The following FLG variants were observed in gnomAD, a reference collection of about 807,000 sequenced individuals.
FLG encodes filaggrin.
A neutral mutation model predicts 3.8 loss-of-function variants in FLG; 6 were observed. The observed-to-expected ratio is 1.60, with a 90% CI of 0.87 to 3.15. The LOEUF is 3.15. Ranked by LOEUF, FLG falls within the 30% of genes most tolerant of loss-of-function variation. The pLI, the probability that FLG is intolerant of heterozygous loss-of-function variation, is 0.00. For synonymous variants in FLG, 2,551 were observed against 1,931.6 expected, an observed-to-expected ratio of 1.32 and a Z score of -8.41; for missense variants, 7,595 against 5,050.9, an observed-to-expected ratio of 1.50 and a Z score of -15.27.
In FLG at chr1:152,309,975, T is replaced by C. The variant is rs760321940; in HGVS notation, c.4911A>G (p.Gln1637=). The C allele has an allele frequency of 3.1e-6, 5 of 1,614,058 alleles. No homozygotes were observed. The highest frequency in any genetic ancestry group is 3.3e-5 in the Admixed American group (2 of 60,014). ...AGTGCCCATGACTGGCTCTATCTTC[T>C]TGATGGGACCTGGGGTTCCTGGAGC... The part of the protein sequence containing the change: ...RHGSRNPRSH[Q]EDRASHGHSA... The change falls in exon 3 of 3, where the codon CAA becomes CAG. Residue 1637 remains glutamine, a synonymous_variant. Coordinates refer to ENST00000368799, the MANE Select transcript of FLG (RefSeq NM_002016.2).
chr1:152,314,379 T>C lies in FLG; in HGVS notation c.507A>G (p.Arg169=). The C allele has an allele frequency of 1.2e-6, 2 of 1,613,154 alleles. No individual in the cohort carries two copies. The highest frequency in any genetic ancestry group is 1.7e-6 in the Non-Finnish European group (2 of 1,179,750). The change falls in exon 3 of 3, where the codon AGA becomes AGG. Residue 169 remains arginine, a synonymous_variant. Transcript: ENST00000368799. ...KERKGYSPTH[R]EEEYGKNHHN... is the part of the protein sequence containing the mutation. ...GATGGTTTTTTCCATATTCTTCTTC[T>C]CTATGAGTAGGTGAATATCCTTTTC... is the stretch of plus-strand genomic sequence containing the variant.
chr1:152,313,796 A>G lies in FLG; in HGVS notation c.1090T>C (p.Ser364Pro). 6.2e-7 allele frequency: 1 copy of G among 1,614,070 alleles called. No homozygotes were observed. Among genetic ancestry groups the G allele is most frequent in the Non-Finnish European group, 8.5e-7 (1 of 1,179,974 alleles). Residue 364 changes from serine (S) to proline (P), a missense_variant, in exon 3 of 3, where the codon TCC becomes CCC. Transcript: ENST00000368799. ...RQSGTRHAET[S>P]SRGQTASSHE... ...GATGATGCAGTCTGTCCACGAGAGGAAGTCTCTGCGTGACGAGTGCCTGAT... is the reference window on the plus strand; with the variant it reads ...GATGATGCAGTCTGTCCACGAGAGGGAGTCTCTGCGTGACGAGTGCCTGAT...
rs545318820 is a variant in FLG at position 152,311,002 on chromosome 1, T to C, written c.3884A>G (p.His1295Arg). Residue 1295 changes from histidine to arginine, a missense_variant, in exon 3 of 3, where the codon CAT becomes CGT. By Grantham distance (29) the His-to-Arg change is conservative. Transcript: ENST00000368799. The stretch of plus-strand genomic sequence containing the variant: ...TCTTGACTGCTCCCGAGAAGATCCA[T>C]GATGGTTTCTGGAAGCAGACCCAGA... ...RLSGSASRNH[H>R]GSSREQSRDG... 5.6e-6 allele frequency: 9 copies of C among 1,613,820 alleles called. No homozygotes were observed. The highest frequency in any genetic ancestry group is 4.5e-5 in the East Asian group (2 of 44,840).
In FLG at chr1:152,302,737, C is replaced by T. The variant is rs1039173304; in HGVS notation, c.12149G>A (p.Gly4050Glu). 6.2e-7 allele frequency: 1 copy of T among 1,614,012 alleles called. No individual in the cohort carries two copies. The highest frequency in any genetic ancestry group is 2.2e-5 in the East Asian group (1 of 44,878). ...GHSSDISKQL[G>E]FSQSQRYYYY... ...ATAGTATCTCTGTGACTGACTAAATCCCAGTTGTTTCGATATATCACTAGA... is the reference window on the plus strand; with the variant it reads ...ATAGTATCTCTGTGACTGACTAAATTCCAGTTGTTTCGATATATCACTAGA... Residue 4050 changes from glycine (G) to glutamate (E), a missense_variant, in exon 3 of 3, where the codon GGA becomes GAA. Physicochemically the swap from Gly to Glu is moderately conservative, Grantham distance 98. Transcript: ENST00000368799.
Position 152,313,172 on chromosome 1 carries a change from G to A in FLG, c.1714C>T (p.Arg572Ter), listed in dbSNP as rs200601767. 93 of 1,613,766 alleles carry A rather than the reference G, an allele frequency of 5.8e-5. 2 individuals are homozygous for A. The South Asian group carries it at 6.4e-4, about 11-fold the overall frequency. ...CCGTCTCCTGATTGTTCCTCATTTCGTGTTTGTCTGCTTGCACTTCTGGAT... is the reference window on the plus strand; with the variant it reads ...CCGTCTCCTGATTGTTCCTCATTTCATGTTTGTCTGCTTGCACTTCTGGAT... ...SGSRSASRQTRNEEQSGDGTR... is the reference protein window; with the variant it reads ...SGSRSASRQT The change falls in exon 3 of 3, where the codon CGA becomes TGA. Residue 572 changes from arginine (R) to a stop codon, truncating the protein, a stop_gained. Transcript: ENST00000368799. LOFTEE classifies it low-confidence loss of function (END_TRUNC).
rs1189578044 is a variant in FLG, at chr1:152,311,547, A to C, written c.3339T>G (p.Arg1113=). ...TCACCTGGTAGATGAAAGACCCTGA[A>C]CGTCCAGACCTTCCCCCTGACCAGT... ...ARDWSGGRSG[R]SGSFIYQVST... The change falls in exon 3 of 3, where the codon CGT becomes CGG. Residue 1113 remains arginine (R), a synonymous_variant. Coordinates refer to ENST00000368799, the MANE Select transcript of FLG (RefSeq NM_002016.2). 6.2e-7 allele frequency: 1 copy of C among 1,613,118 alleles called. No homozygotes were observed. The highest frequency in any genetic ancestry group is 1.7e-5 in the Admixed American group (1 of 59,928).
In FLG at chr1:152,302,465, TAA is replaced by T. The variant is rs1651669150; in HGVS notation, c.*233_*234del. On this transcript the variant is annotated 3_prime_UTR_variant, in exon 3 of 3. Coordinates refer to ENST00000368799, the MANE Select transcript of FLG (RefSeq NM_002016.2). ...TCCTAAAATACTCCAGCTAGTTTTC[TAA>T]AGTTAGCTCTCCATGATATTGATTT... The T allele has an allele frequency of 1.8e-6, 1 of 553,274 alleles. No homozygotes were observed. The allele number at this position is 553,274 out of a possible 1,614,324, so 34.3% of individuals were successfully genotyped here.
Position 152,311,943 on chromosome 1 carries a change from G to C in FLG, c.2943C>G (p.Gly981=), listed in dbSNP as rs146382866. The change falls in exon 3 of 3, where the codon GGC becomes GGG. Residue 981 remains glycine (G), a synonymous_variant. Coordinates refer to ENST00000368799, the MANE Select transcript of FLG (RefSeq NM_002016.2). Reference sequence around the variant, plus strand: ...CGTGATGGGACCTGGGGTGTCTGGAGCCATGTCTTGACTGCTCCTGAGCAG... The same window carrying C: ...CGTGATGGGACCTGGGGTGTCTGGACCCATGTCTTGACTGCTCCTGAGCAG... ...RGSAQEQSRH[G]SRHPRSHHED... 29 of 1,613,992 alleles carry C rather than the reference G, an allele frequency of 1.8e-5. No homozygotes were observed. The Admixed American group carries it at 3.2e-4, about 18-fold the overall frequency.
rs1205875697 is a variant in FLG at position 152,314,405 on chromosome 1, T to C, written c.481A>G (p.Arg161Gly). 6.2e-7 allele frequency: 1 copy of C among 1,613,496 alleles called. No homozygotes were observed. Among genetic ancestry groups the C allele is most frequent in the South Asian group, 1.1e-5 (1 of 91,024 alleles). Residue 161 changes from arginine to glycine, a missense_variant, in exon 3 of 3, where the codon AGA becomes GGA. Arg to Gly is a moderately radical substitution (Grantham distance 125). Transcript: ENST00000368799. Reference sequence around the variant, plus strand: ...CTATGAGTAGGTGAATATCCTTTTCTTTCTTTTTTTTCAGAACTAGATTCA... The same window carrying C: ...CTATGAGTAGGTGAATATCCTTTTCCTTCTTTTTTTTCAGAACTAGATTCA... ...RHESSSEKKE[R>G]KGYSPTHREE...
chr1:152,306,118 A>C lies in FLG; in HGVS notation c.8768T>G (p.Leu2923Arg), dbSNP rs144520421. The C allele has an allele frequency of 2.5e-3, 3,955 of 1,598,820 alleles. 16 individuals carry two copies. The African/African-American group carries it at 0.057, about 23-fold the overall frequency. ...RNHHGSAQEQ[L>R]RDGSRHPRSH... Reference sequence around the variant, plus strand: ...CCTGGGGTGTCTGGAGCCATCTCTTAGCTGCTCCTGAGCAGATCCATGATG... The same window carrying C: ...CCTGGGGTGTCTGGAGCCATCTCTTCGCTGCTCCTGAGCAGATCCATGATG... Residue 2923 changes from leucine to arginine, a missense_variant, in exon 3 of 3, where the codon CTA becomes CGA. Leu to Arg is a moderately radical substitution (Grantham distance 102, BLOSUM62 -2). Coordinates refer to ENST00000368799, the MANE Select transcript of FLG (RefSeq NM_002016.2).
At chr1:152,317,533 A>C (rs1652827099) in intron 1 of FLG, among the ~76,000 whole-genome samples, 1 of 151,776 alleles carries the variant, frequency 6.6e-6, no homozygotes, top group Non-Finnish European at 1.5e-5. Context: ...GAGACCTGGC[A>C]CTCTCAAGTT....
chr1:152,303,859 G>A lies in FLG; in HGVS notation c.11027C>T (p.Thr3676Ile). 1 of 1,613,784 alleles carries A rather than the reference G, an allele frequency of 6.2e-7. No homozygotes were observed. The highest frequency in any genetic ancestry group is 8.5e-7 in the Non-Finnish European group (1 of 1,179,890). The stretch of plus-strand genomic sequence containing the variant: ...CTGTCCGTGGGCTGACACTGACTGT[G>A]TGTCTGAGTCTTCTGAATGTCCCTC... ...DSEGHSEDSD[T>I]QSVSAHGQAG... is the part of the protein sequence containing the mutation. The change falls in exon 3 of 3, where the codon ACA (threonine) becomes ATA (isoleucine). Residue 3676 changes from threonine to isoleucine, a missense_variant. Transcript: ENST00000368799.
intron 1 of FLG, among the ~76,000 whole-genome samples, chr1:152,319,709 G>A (rs138493372): frequency 7.3e-5 from 11 of 151,474 alleles, no homozygotes; most frequent in African/African-American, 2.2e-4. Context: ...AGCAAAATAA[G>A]TTATATGTTA....
rs1428613192 is a variant in FLG, at chr1:152,306,723, TTGG to T, written c.8160_8162del (p.His2720del). 2 of 1,547,982 alleles carry T rather than the reference TTGG, an allele frequency of 1.3e-6. No individual in the cohort carries two copies. The highest frequency in any genetic ancestry group is 3.4e-5 in the Admixed American group (2 of 57,982). On this transcript the variant is annotated inframe_deletion, in exon 3 of 3. Transcript: ENST00000368799. ...CCCCTGACCGGCCACGTGCGGACTC[TTGG>T]TGGCTCTGCTGATGGGACCCAGCCT... is the stretch of plus-strand genomic sequence containing the variant.
At position 152,304,755 on chromosome 1, in the gene FLG, C is replaced by A; in HGVS notation, c.10131G>T (p.Gly3377=). 1 of 1,613,586 alleles carries A rather than the reference C, an allele frequency of 6.2e-7. No individual in the cohort carries two copies. The highest frequency in any genetic ancestry group is 8.5e-7 in the Non-Finnish European group (1 of 1,179,864). Residue 3377 remains glycine (G), a synonymous_variant, in exon 3 of 3, where the codon GGG becomes GGT. Coordinates refer to ENST00000368799, the MANE Select transcript of FLG (RefSeq NM_002016.2). Reference sequence around the variant, plus strand: ...AAGACCCTGAACGTCCAGACCTTCCCCCTGACCGGTCACGTGCGGACTCTT... The same window carrying A: ...AAGACCCTGAACGTCCAGACCTTCCACCTGACCGGTCACGTGCGGACTCTT... ...SHQESARDRS[G]GRSGRSGSFL...
intron 1 of FLG, among the ~76,000 whole-genome samples, chr1:152,322,857 A>T (rs192549874): frequency 6.6e-6 from 1 of 151,526 alleles, no homozygotes; most frequent in Admixed American, 6.6e-5. Flanking sequence ...AAGTTTTTTT[A>T]AAAAATAAAG....
At position 152,313,444 on chromosome 1, in the gene FLG, G is replaced by T. The variant is rs373882178; in HGVS notation, c.1442C>A (p.Ala481Asp). ...AGTGCTGGTCCCGGTCCGTCCATGG[G>T]CAGAGTCAGGCTGTTCATGAGTGCT... ...QVSTHEQPDS[A>D]HGRTGTSTGG... The change falls in exon 3 of 3, where the codon GCC (alanine) becomes GAC (aspartate). Residue 481 changes from alanine (A) to aspartate (D), a missense_variant. Transcript: ENST00000368799. 2.2e-5 allele frequency: 36 copies of T among 1,613,746 alleles called. No individual in the cohort carries two copies. In the Admixed American group the frequency reaches 5.8e-4, roughly 26 times the overall value.
At position 152,312,661 on chromosome 1, in the gene FLG, G is replaced by T. The variant is rs3120654; in HGVS notation, c.2225C>A (p.Ser742Tyr). Residue 742 changes from serine to tyrosine, a missense_variant, in exon 3 of 3, where the codon TCC (serine) becomes TAC (tyrosine). Physicochemically the swap from Ser to Tyr is moderately radical, Grantham distance 144. Coordinates refer to ENST00000368799, the MANE Select transcript of FLG (RefSeq NM_002016.2). Reference protein sequence around the residue: ...SAVRDSGHRGSSGSQATDSEG... With the variant: ...SAVRDSGHRGYSGSQATDSEG... ...ACTGTCAGTGGCCTGACTACCACTG[G>T]ACCCTCGGTGTCCACTGTCTCTGAC... is the stretch of plus-strand genomic sequence containing the variant. 31,385 of 1,613,676 alleles carry T rather than the reference G, an allele frequency of 0.019. 4,884 individuals are homozygous for T. In the African/African-American group the frequency reaches 0.35, roughly 18 times the overall value.
chr1:152,306,230 G>A lies in FLG; in HGVS notation c.8656C>T (p.Arg2886Cys), dbSNP rs141172870. 1.5e-3 allele frequency: 2,333 copies of A among 1,604,156 alleles called. No individual in the cohort carries two copies. Among genetic ancestry groups the A allele is most frequent in the East Asian group, 2.1e-3 (95 of 44,828 alleles). The change falls in exon 3 of 3, where the codon CGC (arginine) becomes TGC (cysteine). Residue 2886 changes from arginine (R) to cysteine (C), a missense_variant. By Grantham distance (180) the Arg-to-Cys change is radical (BLOSUM62 -3). Transcript: ENST00000368799. ...GQSEGSRRSR[R>C]QGSSVSQDSD... Reference sequence around the variant, plus strand: ...TCCTGGCTCACACTGGATCCCTGGCGCCTGCTTCTCCTGGACCCCTCTGAT... The same window carrying A: ...TCCTGGCTCACACTGGATCCCTGGCACCTGCTTCTCCTGGACCCCTCTGAT...
Sources: gnomAD v4.1 joint callset for allele counts (sites outside exome capture counted in the v4.1 genomes callset) on GRCh38, gnomAD v4.1.1 for gene constraint, MANE v1.5 for transcripts, NCBI Gene and HGNC (gene_info 2026-07-23, HGNC 2026-07-21) for gene names.